KLHL32: variants seen among roughly 807,000 people sequenced by gnomAD.
KLHL32 encodes kelch like family member 32.
KLHL32 carries 35 observed loss-of-function variants against 64.8 expected under a neutral mutation model. That is an observed-to-expected ratio of 0.54 (90% CI 0.41 to 0.72). The LOEUF is 0.72. Ranked by LOEUF, KLHL32 falls within the 30% of genes least tolerant of loss-of-function variation. The pLI is 0.00. For synonymous variants in KLHL32, 259 were observed against 281.0 expected (o/e 0.92, Z 0.78); for missense variants, 589 against 768.5 (o/e 0.77, Z 2.76).
chr6:96,956,626 A>G lies in KLHL32; in HGVS notation c.-65-10370A>G, dbSNP rs927346682. 2.0e-5 allele frequency among the ~76,000 whole-genome samples: 3 copies of G among 152,224 alleles called. No individual in the cohort carries two copies. In the South Asian group the frequency reaches 6.2e-4, roughly 31 times the overall value. ...CTCCTTTGGTAGGATAAAGTGGTGC[A>G]GCAGAATGTAAGAGCTGGGTTTGAG... On this transcript the variant is annotated intron_variant, in intron 1 of 10. Coordinates refer to ENST00000369261, the MANE Select transcript of KLHL32 (RefSeq NM_052904.4).
chr6:96,927,618 A>T (rs1769323325), intron 1 of KLHL32, among the ~76,000 whole-genome samples: 1 of 152,194 alleles, frequency 6.6e-6, no homozygotes, highest in Admixed American at 6.5e-5. Flanking sequence ...AGAGAGGTGT[A>T]GTTAAAAGGA....
At chr6:97,061,828 A>G (rs1337464341) in intron 4 of KLHL32, among the ~76,000 whole-genome samples, 1 of 152,158 alleles carries the variant, frequency 6.6e-6, no homozygotes, top group East Asian at 1.9e-4. Flanking sequence ...CTTTGATTTC[A>G]TTGCTGGCCA....
intron 1 of KLHL32, among the ~76,000 whole-genome samples, chr6:96,946,930 G>T (rs1191179195): frequency 1.3e-5 from 2 of 151,890 alleles, no homozygotes; most frequent in Non-Finnish European, 2.9e-5. Context: ...AAAAATATTG[G>T]GTTCTATATA....
chr6:97,122,881 G>C (rs749875205), intron 7 of KLHL32, among the ~76,000 whole-genome samples: 2 of 152,194 alleles, frequency 1.3e-5, no homozygotes, highest in Non-Finnish European at 2.9e-5. Context: ...TCTTCCCTTA[G>C]ACTAGTGTGA....
In KLHL32 at chr6:97,140,013, A is replaced by C. The variant is rs1444685733; in HGVS notation, c.*731A>C. 1.3e-5 allele frequency: 2 copies of C among 152,198 alleles called. No individual in the cohort carries two copies. Among genetic ancestry groups the C allele is most frequent in the African/African-American group, 2.4e-5 (1 of 41,450 alleles). 9.4% of individuals were successfully genotyped at this position (152,198 alleles called of 1,614,324 possible). ...TTGTAATACTTTGCCCAAGAAAAAG[A>C]AAAATGTTGTTACTGAAATTATAAG... On this transcript the variant is annotated 3_prime_UTR_variant, in exon 11 of 11. Transcript: ENST00000369261.
At chr6:97,098,352 T>TA (rs1795271672) in intron 6 of KLHL32, among the ~76,000 whole-genome samples, 1 of 152,210 alleles carries the variant, frequency 6.6e-6, no homozygotes, top group Non-Finnish European at 1.5e-5. Context: ...TGCCTTTTTT[T>TA]ATTTGTTGTC....
chr6:97,131,522 CA>C (rs1318871408), intron 9 of KLHL32, among the ~76,000 whole-genome samples: 1 of 152,020 alleles, frequency 6.6e-6, no homozygotes, highest in Non-Finnish European at 1.5e-5. Context: ...TTCCTCATCC[CA>C]AAAAAGGATG....
At chr6:97,115,749 T>C (rs2128212008) in intron 7 of KLHL32, among the ~76,000 whole-genome samples, 1 of 152,360 alleles carries the variant, frequency 6.6e-6, no homozygotes, top group South Asian at 2.1e-4. Flanking sequence ...AGTTGGAAGA[T>C]ACTCATATTG....
intron 3 of KLHL32, among the ~76,000 whole-genome samples, chr6:96,989,014 T>C (rs562583118): frequency 6.6e-6 from 1 of 152,250 alleles, no homozygotes; most frequent in East Asian, 1.9e-4. Flanking sequence ...AAATGAGAAG[T>C]TAATGGGTGC....
In KLHL32 at chr6:96,985,816, G is replaced by A. The variant is rs148806558; in HGVS notation, c.204+9639G>A. Among the ~76,000 whole-genome samples, 1,207 of 152,054 alleles carry A rather than the reference G, an allele frequency of 7.9e-3. 24 individuals carry two copies. The highest frequency in any genetic ancestry group is 0.028 in the African/African-American group (1,153 of 41,462). ...TTTTTAACTTCTTTGCCATGGGTAC[G>A]AACTTCCTCCTTTAGCTCAGAGTAG... On this transcript the variant is annotated intron_variant, in intron 3 of 10. Coordinates refer to ENST00000369261, the MANE Select transcript of KLHL32 (RefSeq NM_052904.4).
chr6:97,113,125 A>T, intron 6 of KLHL32, among the ~76,000 whole-genome samples: 1 of 152,164 alleles, frequency 6.6e-6, no homozygotes. Flanking sequence ...TGTGCAAATT[A>T]CAACTGTCTT....
At chr6:96,958,309 T>C (rs1773492934) in intron 1 of KLHL32, among the ~76,000 whole-genome samples, 2 of 152,108 alleles carry the variant, frequency 1.3e-5, no homozygotes, top group Admixed American at 6.6e-5. Context: ...ATAGGTGCTA[T>C]TGGATCATAT....
chr6:97,114,350 T>A lies in KLHL32; in HGVS notation c.1195T>A (p.Tyr399Asn), dbSNP rs762721674. The part of the protein sequence containing the change: ...EHFVLGAMEE[Y>N]LYAVGGRNEL... ...TTTTGTGCTGGGTGCCATGGAGGAA[T>A]ACCTCTATGCAGTTGGGGGCAGAAA... is the stretch of plus-strand genomic sequence containing the variant. The change falls in exon 7 of 11, where the codon TAC becomes AAC. Residue 399 changes from tyrosine to asparagine, a missense_variant. This residue lies in a region of KLHL32 where 226 missense variants were observed against 353.2 expected (regional missense o/e 0.64). Coordinates refer to ENST00000369261, the MANE Select transcript of KLHL32 (RefSeq NM_052904.4). 6.8e-6 allele frequency: 11 copies of A among 1,614,090 alleles called. No individual in the cohort carries two copies. Among genetic ancestry groups the A allele is most frequent in the Non-Finnish European group, 9.3e-6 (11 of 1,180,040 alleles).
At chr6:97,061,220 A>C (rs2128148976) in intron 4 of KLHL32, among the ~76,000 whole-genome samples, 1 of 152,250 alleles carries the variant, frequency 6.6e-6, no homozygotes, top group East Asian at 1.9e-4. Flanking sequence ...ACCTGTTTGC[A>C]AATCTGGAGA....
chr6:97,015,061 T>C (rs1355413054), intron 3 of KLHL32, among the ~76,000 whole-genome samples: 1 of 152,110 alleles, frequency 6.6e-6, no homozygotes, highest in Non-Finnish European at 1.5e-5. Flanking sequence ...TCCCTTTTTC[T>C]CTCCCCTGCT....
At chr6:97,134,825 G>A (rs184576074) in intron 10 of KLHL32, among the ~76,000 whole-genome samples, 28 of 152,198 alleles carry the variant, frequency 1.8e-4, no homozygotes, top group Middle Eastern at 3.4e-3. Context: ...GTTAACAGTC[G>A]TGAATGTTAG....
intron 2 of KLHL32, among the ~76,000 whole-genome samples, chr6:96,970,494 C>T (rs922821826): frequency 1.3e-5 from 2 of 152,168 alleles, no homozygotes; most frequent in African/African-American, 4.8e-5. Flanking sequence ...CTTCAGCCAG[C>T]AGCTCAAGTA....
At chr6:97,034,617 C>G (rs1784031833) in intron 3 of KLHL32, among the ~76,000 whole-genome samples, 1 of 151,870 alleles carries the variant, frequency 6.6e-6, no homozygotes, top group Admixed American at 6.6e-5. Flanking sequence ...AACATTTTAA[C>G]ACATTTTTTT....
At chr6:97,075,876 A>C (rs1024769350) in intron 5 of KLHL32, among the ~76,000 whole-genome samples, 79 of 152,316 alleles carry the variant, frequency 5.2e-4, no homozygotes, top group African/African-American at 1.6e-3. Flanking sequence ...TTAATTATGC[A>C]TTCATTAAAA....
Sources: allele counts gnomAD v4.1 joint callset (sites outside exome capture counted in the v4.1 genomes callset), GRCh38; gene constraint gnomAD v4.1.1; regional missense constraint gnomAD v4.1.1; transcripts MANE v1.5; gene names NCBI Gene and HGNC (gene_info 2026-07-23, HGNC 2026-07-21).